The following ACOXL variants were observed in gnomAD, a reference collection of about 807,000 sequenced individuals.
ACOXL encodes the protein acyl-coenzyme A oxidase-like protein.
A neutral mutation model predicts 71.9 loss-of-function variants in ACOXL; 70 were observed. The ratio of observed to expected loss-of-function variants is 0.97; its 90% confidence interval spans 0.80 to 1.19. The LOEUF is 1.19. Among genes scored for constraint, ACOXL ranks in the 50% most tolerant of loss-of-function variants. The pLI is 0.00. For synonymous variants in ACOXL, 253 were observed against 281.6 expected (o/e 0.90, Z 1.02); for missense variants, 703 against 736.3 (o/e 0.95, Z 0.52).
At chr2:110,981,072 T>A (rs2062687741) in intron 12 of ACOXL, among the ~76,000 whole-genome samples, 1 of 152,166 alleles carries the variant, frequency 6.6e-6, no homozygotes, top group African/African-American at 2.4e-5. Context: ...ATTGAAAGCA[T>A]GGACTCTGGG....
chr2:110,895,400 A>G (rs1421998283), intron 10 of ACOXL, among the ~76,000 whole-genome samples: 1 of 152,186 alleles, frequency 6.6e-6, no homozygotes, highest in Admixed American at 6.5e-5. Flanking sequence ...AAAAAAGGAA[A>G]TAAAGAAAAA....
intron 16 of ACOXL, among the ~76,000 whole-genome samples, chr2:111,070,253 G>A (rs534218953): frequency 7.2e-5 from 11 of 152,232 alleles, no homozygotes; most frequent in East Asian, 5.8e-4. Flanking sequence ...ATCAACCAAC[G>A]TAGATGCCCA....
intron 9 of ACOXL, among the ~76,000 whole-genome samples, chr2:110,838,708 T>A (rs997001495): frequency 6.6e-6 from 1 of 152,246 alleles, no homozygotes; most frequent in Non-Finnish European, 1.5e-5. Context: ...TCTACACTGT[T>A]CCAGCCTTTG....
intron 12 of ACOXL, among the ~76,000 whole-genome samples, chr2:110,951,395 T>C (rs544045580): frequency 6.6e-6 from 1 of 152,222 alleles, no homozygotes; most frequent in Non-Finnish European, 1.5e-5. Context: ...CTGAGAAAAA[T>C]GATAGCTTTG....
At chr2:110,886,922 C>G (rs1697369530) in intron 10 of ACOXL, 5 of 1,529,802 alleles carry the variant, frequency 3.3e-6, no homozygotes, top group East Asian at 2.5e-5. Flanking sequence ...CTTAACTGTT[C>G]TGGGTTTTCC....
chr2:110,916,879 A>G (rs1337628697), intron 11 of ACOXL, among the ~76,000 whole-genome samples: 2 of 152,234 alleles, frequency 1.3e-5, no homozygotes, highest in African/African-American at 4.8e-5. Context: ...ATCCCTGGAT[A>G]GACCAATAAC....
At chr2:110,852,541 AT>A (rs1162118540) in intron 10 of ACOXL, among the ~76,000 whole-genome samples, 2 of 152,210 alleles carry the variant, frequency 1.3e-5, no homozygotes, top group African/African-American at 2.4e-5. Context: ...AAGATGCTGC[AT>A]TTATAGGCAA....
chr2:110,769,566 C>G (rs1033057199), intron 2 of ACOXL, among the ~76,000 whole-genome samples: 1 of 151,792 alleles, frequency 6.6e-6, no homozygotes, highest in East Asian at 1.9e-4. Flanking sequence ...GCAGGTGGAT[C>G]ACTTGAGGCC....
chr2:110,875,570 G>A (rs529627691), intron 10 of ACOXL, among the ~76,000 whole-genome samples: 18 of 152,158 alleles, frequency 1.2e-4, no homozygotes, highest in Non-Finnish European at 2.6e-4. Flanking sequence ...GGGTGCACAA[G>A]TGTGCTTTCT....
intron 1 of ACOXL, among the ~76,000 whole-genome samples, chr2:110,735,172 A>G (rs1195284126): frequency 6.6e-6 from 1 of 152,234 alleles, no homozygotes; most frequent in African/African-American, 2.4e-5. Context: ...TCTGATATCT[A>G]TCTATTTGAA....
In ACOXL at chr2:110,968,078, A is replaced by G. The variant is rs1574320853; in HGVS notation, c.1060-19030A>G. Reference sequence around the variant, plus strand: ...ATAGTCTGCGCAGCATACGCACACGAACTGCCAAAATATGGTGTGAAGGTT... The same window carrying G: ...ATAGTCTGCGCAGCATACGCACACGGACTGCCAAAATATGGTGTGAAGGTT... On this transcript the variant is annotated intron_variant, in intron 12 of 17. Coordinates refer to ENST00000439055, the MANE Select transcript of ACOXL (RefSeq NM_001142807.4). 1.1e-5 allele frequency: 14 copies of G among 1,241,378 alleles called. No individual in the cohort carries two copies. The East Asian group carries it at 3.2e-4, about 29-fold the overall frequency. 76.9% of individuals were successfully genotyped at this position (1,241,378 alleles called of 1,614,324 possible).
chr2:111,001,516 A>C (rs1284432422), intron 14 of ACOXL, among the ~76,000 whole-genome samples: 2 of 152,244 alleles, frequency 1.3e-5, no homozygotes, highest in Non-Finnish European at 2.9e-5. Flanking sequence ...GTCACAGAGA[A>C]TCAAACCACC....
intron 16 of ACOXL, among the ~76,000 whole-genome samples, chr2:111,063,024 C>A (rs79971006): frequency 0.011 from 1,604 of 152,050 alleles, 26 homozygotes; most frequent in East Asian, 0.046. Flanking sequence ...AATTCTATGC[C>A]CATAAATTTG....
chr2:110,843,653 T>C (rs756029237), intron 10 of ACOXL, among the ~76,000 whole-genome samples: 2 of 152,212 alleles, frequency 1.3e-5, no homozygotes, highest in Non-Finnish European at 2.9e-5. Flanking sequence ...AGCAGCTGTC[T>C]GTTGTACATG....
intron 15 of ACOXL, among the ~76,000 whole-genome samples, chr2:111,043,721 G>C (rs1320323151): frequency 6.6e-6 from 1 of 152,172 alleles, no homozygotes; most frequent in Non-Finnish European, 1.5e-5. Context: ...GGAGGTCGCT[G>C]CCTCTAGAGA....
chr2:110,798,546 T>G, intron 5 of ACOXL, 64 bp from the exon 6 acceptor site: 1 of 1,367,360 alleles, frequency 7.3e-7, no homozygotes, highest in Non-Finnish European at 1.0e-6. Context: ...TTCATTGCTT[T>G]GAGCCAGGGA....
intron 12 of ACOXL, chr2:110,963,782 C>G: frequency 6.3e-7 from 1 of 1,581,824 alleles, no homozygotes; most frequent in Non-Finnish European, 8.6e-7. Flanking sequence ...TATATTTTAT[C>G]TTTATCTGAT....
At chr2:110,831,531 A>C (rs1285725843) in intron 9 of ACOXL, among the ~76,000 whole-genome samples, 2 of 152,208 alleles carry the variant, frequency 1.3e-5, no homozygotes, top group Non-Finnish European at 2.9e-5. Context: ...TTCTCCTCAG[A>C]TTTAATGCAA....
intron 16 of ACOXL, among the ~76,000 whole-genome samples, chr2:111,087,242 G>T (rs1432242392): frequency 6.6e-6 from 1 of 152,114 alleles, no homozygotes; most frequent in East Asian, 1.9e-4. Context: ...AACATTTACA[G>T]ATTTAATGCT....
Sources: gnomAD v4.1 joint callset for allele counts (sites outside exome capture counted in the v4.1 genomes callset) on GRCh38, gnomAD v4.1.1 for gene constraint, MANE v1.5 for transcripts, NCBI Gene and HGNC (gene_info 2026-07-23, HGNC 2026-07-21) for gene names.